FLOT1: variants seen among roughly 807,000 people sequenced by gnomAD.
The protein encoded by FLOT1 is flotillin 1.
Under a neutral mutation model 58.4 loss-of-function variants are expected in FLOT1, and 40 were observed. The observed-to-expected ratio is 0.69, with a 90% confidence interval of 0.53 to 0.89. The LOEUF is 0.89. Among genes scored for constraint, FLOT1 ranks in the 40% least tolerant of loss-of-function variants. The pLI is 0.00. For missense variants in FLOT1, 423 were observed against 540.8 expected, an observed-to-expected ratio of 0.78 and a Z score of 2.16; for synonymous variants, 178 against 204.2, an observed-to-expected ratio of 0.87 and a Z score of 1.09.
chr6:30,735,503 A>C (rs1234918081), intron 8 of FLOT1, among the ~76,000 whole-genome samples: 1 of 151,694 alleles, frequency 6.6e-6, no homozygotes, highest in Non-Finnish European at 1.5e-5. Context: ...GGCACTTGTA[A>C]TCCCAGTTGA....
intron 8 of FLOT1, among the ~76,000 whole-genome samples, chr6:30,739,225 T>C (rs1777787999): frequency 6.6e-6 from 1 of 151,338 alleles, no homozygotes; most frequent in Non-Finnish European, 1.5e-5. Flanking sequence ...TGCAGACCCA[T>C]GTCAGAATGC....
At chr6:30,728,492 C>T (rs566474704) in intron 12 of FLOT1, among the ~76,000 whole-genome samples, 30 of 147,488 alleles carry the variant, frequency 2.0e-4, no homozygotes, top group African/African-American at 6.8e-4. Context: ...TTTTTTGAGA[C>T]GGAATCTCAC....
intron 8 of FLOT1, among the ~76,000 whole-genome samples, chr6:30,735,623 G>A (rs1039645679): frequency 2.0e-5 from 3 of 151,948 alleles, no homozygotes; most frequent in African/African-American, 7.3e-5. Flanking sequence ...ACAACAGAGT[G>A]AGAGACCCTG....
At chr6:30,728,993 T>C (rs1776951616) in intron 12 of FLOT1, among the ~76,000 whole-genome samples, 1 of 151,706 alleles carries the variant, frequency 6.6e-6, no homozygotes, top group Admixed American at 6.6e-5. Context: ...TTAGCCAGGA[T>C]GGTCTCAATC....
rs1136719 is a variant in FLOT1 at position 30,728,143 on chromosome 6, C to T, written c.1257G>A (p.Val419=). ...ERLTGVSISQ[V]NHKPLRTA ...AGGCTGTTCTCAAAGGCTTGTGATT[C>T]ACCTGGCAAAAAGACAACAGTAGAT... The change falls in exon 13 of 13, where the codon GTG becomes GTA. Residue 419 remains valine (V), a splice_region_variant and synonymous_variant. Transcript: ENST00000376389. 71,064 of 1,612,538 alleles carry T rather than the reference C, an allele frequency of 0.044. 2,661 individuals carry two copies. Among genetic ancestry groups the T allele is most frequent in the African/African-American group, 0.16 (11,786 of 74,942 alleles).
chr6:30,738,019 T>TA (rs763902148), intron 8 of FLOT1, among the ~76,000 whole-genome samples: 10 of 152,342 alleles, frequency 6.6e-5, no homozygotes, highest in Non-Finnish European at 1.5e-4. Context: ...TCCAATCCCT[T>TA]AATCTGCAGA....
chr6:30,730,707 G>A lies in FLOT1; in HGVS notation c.926C>T (p.Ala309Val). Residue 309 changes from alanine (A) to valine (V), a missense_variant, in exon 10 of 13, where the codon GCG (alanine) becomes GTG (valine). Transcript: ENST00000376389. ...EAEKSQLIMQ[A>V]EAEAASVRMR... ...CCGCACAGACGCGGCTTCTGCCTCC[G>A]CCTGCATAATTAGTTGGGACCTGTG... 1.9e-6 allele frequency: 3 copies of A among 1,613,338 alleles called. No homozygotes were observed. Among genetic ancestry groups the A allele is most frequent in the East Asian group, 2.2e-5 (1 of 44,888 alleles).
At position 30,742,504 on chromosome 6, in the gene FLOT1, T is replaced by G; in HGVS notation, c.-15+23A>C. The G allele has an allele frequency of 2.3e-6, 1 of 428,738 alleles. No homozygotes were observed. Among genetic ancestry groups the G allele is most frequent in the Non-Finnish European group, 4.2e-6 (1 of 237,378 alleles). The allele number at this position is 428,738 out of a possible 1,614,324, so 26.6% of individuals were successfully genotyped here. ...TCCCTGCTTCTCGGCAGCCCCAGGC[T>G]CCATCTCCCCTCCCCCACTCACCTT... On this transcript the variant is annotated intron_variant, in intron 1 of 12. Coordinates refer to ENST00000376389, the MANE Select transcript of FLOT1 (RefSeq NM_005803.4). This position sits in a 1 kb window ranked among gnomAD's most constrained non-coding sequence, Gnocchi z 5.2.
At position 30,741,360 on chromosome 6, in the gene FLOT1, G is replaced by T. The variant is rs753497493; in HGVS notation, c.211-27C>A. On this transcript the variant is annotated intron_variant, in intron 4 of 12. Coordinates refer to ENST00000376389, the MANE Select transcript of FLOT1 (RefSeq NM_005803.4). This position sits in a 1 kb window ranked among gnomAD's most constrained non-coding sequence, Gnocchi z 5.9. ...TGTAGCCAGAGTAGGGGTAGGAAAG[G>T]TGTGGTGGGGGTCTCATGAAGTCAG... The T allele has an allele frequency of 2.5e-6, 4 of 1,612,864 alleles. No homozygotes were observed. The highest frequency in any genetic ancestry group is 3.4e-6 in the Non-Finnish European group (4 of 1,179,872).
chr6:30,729,689 T>C (rs1195914799), intron 12 of FLOT1, among the ~76,000 whole-genome samples: 1 of 152,160 alleles, frequency 6.6e-6, no homozygotes, highest in African/African-American at 2.4e-5. Context: ...TAACTGTCAA[T>C]AGGCTGCAAC....
Position 30,730,524 on chromosome 6 carries a change from G to T in FLOT1, c.993C>A (p.Ala331=), listed in dbSNP as rs1777091608. The T allele has an allele frequency of 1.2e-6, 2 of 1,611,316 alleles. No individual in the cohort carries two copies. Among genetic ancestry groups the T allele is most frequent in the Non-Finnish European group, 1.7e-6 (2 of 1,177,938 alleles). Residue 331 remains alanine, a synonymous_variant, in exon 11 of 13, where the codon GCC becomes GCA. Transcript: ENST00000376389. ...EAEAFAIGAR[A]RAEAEQMAKK... ...TGGCCATCTGCTCAGCCTCGGCTCG[G>T]GCTCGGGCCCCTATGGCAAAGGCCT... is the stretch of plus-strand genomic sequence containing the variant.
chr6:30,729,887 C>G (rs1777025383), intron 12 of FLOT1, 135 bp downstream of exon 12: 1 of 736,908 alleles, frequency 1.4e-6, no homozygotes, highest in Admixed American at 2.5e-5. Context: ...AAGCTTAGCA[C>G]TGTGTCTGGC....
Position 30,741,991 on chromosome 6 carries a change from G to C in FLOT1, c.44-124C>G. ...CTGGGAGCTGGAGGGGAAGCAGTCT[G>C]GGCCTTGGAATGGTGGGAATCAAAC... On this transcript the variant is annotated intron_variant, in intron 2 of 12. Coordinates refer to ENST00000376389, the MANE Select transcript of FLOT1 (RefSeq NM_005803.4). This position sits in a 1 kb window ranked among gnomAD's most constrained non-coding sequence, Gnocchi z 5.9. 2 of 1,187,546 alleles carry C rather than the reference G, an allele frequency of 1.7e-6. No homozygotes were observed. The highest frequency in any genetic ancestry group is 2.5e-6 in the Non-Finnish European group (2 of 809,670). The allele number at this position is 1,187,546 out of a possible 1,614,324, so 73.6% of individuals were successfully genotyped here. A position where few individuals can be genotyped will look rare whatever the true frequency, so the allele number is the denominator to read the frequency against.
intron 8 of FLOT1, among the ~76,000 whole-genome samples, chr6:30,736,876 AACCACCGC>A (rs1777604656): frequency 6.6e-6 from 1 of 151,900 alleles, no homozygotes; most frequent in African/African-American, 2.4e-5. Context: ...TACAGGTGTG[AACCACCGC>A]ACCCGGCCTT....
At chr6:30,733,287 C>T (rs577523118) in intron 8 of FLOT1, among the ~76,000 whole-genome samples, 1 of 152,222 alleles carries the variant, frequency 6.6e-6, no homozygotes, top group South Asian at 2.1e-4. Context: ...CCACCTGCTT[C>T]GGCTTCCCAA....
intron 8 of FLOT1, among the ~76,000 whole-genome samples, chr6:30,735,214 G>T (rs1159052081): frequency 6.6e-6 from 1 of 152,118 alleles, no homozygotes; most frequent in Non-Finnish European, 1.5e-5. Context: ...TAGCATTCAT[G>T]AAAGTTATAG....
In FLOT1 at chr6:30,742,136, A is replaced by G; in HGVS notation, c.43+11T>C. The G allele has an allele frequency of 1.2e-6, 2 of 1,612,478 alleles. No individual in the cohort carries two copies. Among genetic ancestry groups the G allele is most frequent in the Non-Finnish European group, 1.7e-6 (2 of 1,179,822 alleles). ...GGGGTCACTGGCTGGGAAGGGAACAACAGTACTTACCGGAGACCACCATGG... is the reference window on the plus strand; with the variant it reads ...GGGGTCACTGGCTGGGAAGGGAACAGCAGTACTTACCGGAGACCACCATGG... On this transcript the variant is annotated intron_variant, in intron 2 of 12. Coordinates refer to ENST00000376389, the MANE Select transcript of FLOT1 (RefSeq NM_005803.4). The surrounding 1 kb of genome is among the most constrained non-coding windows in gnomAD (Gnocchi z 5.2).
intron 5 of FLOT1, 32 bp from the exon 6 acceptor site, chr6:30,740,830 G>A (rs1562195281): frequency 1.6e-6 from 2 of 1,235,586 alleles, no homozygotes; most frequent in Non-Finnish European, 2.3e-6. Flanking sequence ...GAGAAGGGAT[G>A]TAAGTTTTTT....
Position 30,740,808 on chromosome 6 carries a change from C to G in FLOT1, c.355-10G>C, listed in dbSNP as rs1337643667. ...TGTCCTTATAGATCTCCTGTGATAA[C>G]AGGATGGTGGGGAGAAGGGATGTAA... is the stretch of plus-strand genomic sequence containing the variant. On this transcript the variant is annotated splice_polypyrimidine_tract_variant and intron_variant, in intron 5 of 12. Transcript: ENST00000376389. The G allele has an allele frequency of 2.0e-6, 3 of 1,485,282 alleles. No individual in the cohort carries two copies. Among genetic ancestry groups the G allele is most frequent in the Non-Finnish European group, 2.8e-6 (3 of 1,069,610 alleles). The allele number at this position is 1,485,282 out of a possible 1,614,324, so 92.0% of individuals were successfully genotyped here. A position where few individuals can be genotyped will look rare whatever the true frequency, so the allele number is the denominator to read the frequency against.
Sources: allele counts gnomAD v4.1 joint callset (sites outside exome capture counted in the v4.1 genomes callset), GRCh38; gene constraint gnomAD v4.1.1; non-coding constraint Gnocchi (gnomAD v3.1); transcripts MANE v1.5; gene names NCBI Gene and HGNC (gene_info 2026-07-23, HGNC 2026-07-21).